The following RABGAP1L variants were observed in gnomAD, a reference collection of about 807,000 sequenced individuals.
RABGAP1L encodes the protein rab GTPase-activating protein 1-like.
RABGAP1L carries 63 observed loss-of-function variants against 137.7 expected under a neutral mutation model. The observed-to-expected ratio is 0.46, with a 90% CI of 0.37 to 0.56. The LOEUF (loss-of-function observed/expected upper bound fraction) is 0.56, where lower values mean the gene tolerates loss of function less well. RABGAP1L is among the 20% of genes least tolerant of loss of function. The pLI is 0.00. For missense variants in RABGAP1L, 1,095 were observed against 1,244.0 expected (o/e 0.88, Z 1.80); for synonymous variants, 431 against 433.7 (o/e 0.99, Z 0.08).
At chr1:174,548,594 C>T (rs1035814994) in intron 13 of RABGAP1L, 2 of 963,966 alleles carry the variant, frequency 2.1e-6, no homozygotes, top group South Asian at 4.8e-5. Flanking sequence ...TTCATACCCA[C>T]AGAAATTTGC....
At chr1:174,849,296 T>G (rs968476878) in intron 19 of RABGAP1L, among the ~76,000 whole-genome samples, 2 of 152,050 alleles carry the variant, frequency 1.3e-5, no homozygotes, top group African/African-American at 4.8e-5. Context: ...CTATCACATA[T>G]GAAGAATGAA....
chr1:174,253,979 C>G (rs981827248), intron 7 of RABGAP1L, among the ~76,000 whole-genome samples: 7 of 152,156 alleles, frequency 4.6e-5, no homozygotes, highest in African/African-American at 1.7e-4. Context: ...TCTGTCTTCC[C>G]TCCAGTCTCT....
At chr1:174,452,737 ATT>A (rs1392713869) in intron 13 of RABGAP1L, among the ~76,000 whole-genome samples, 2 of 151,758 alleles carry the variant, frequency 1.3e-5, no homozygotes, top group African/African-American at 4.8e-5. Flanking sequence ...AATTTTTTGT[ATT>A]TTTAGTAGAG....
intron 12 of RABGAP1L, among the ~76,000 whole-genome samples, chr1:174,372,401 T>G (rs1261660431): frequency 6.6e-6 from 1 of 152,078 alleles, no homozygotes; most frequent in African/African-American, 2.4e-5. Context: ...AGGCAGTGCT[T>G]TTTTCGGCGG....
intron 18 of RABGAP1L, among the ~76,000 whole-genome samples, chr1:174,776,399 A>G (rs1686528494): frequency 6.6e-6 from 1 of 152,078 alleles, no homozygotes; most frequent in Non-Finnish European, 1.5e-5. Context: ...AAATAATAAT[A>G]AAGTTGGTAT....
At chr1:174,600,678 C>T (rs574456582) in intron 13 of RABGAP1L, among the ~76,000 whole-genome samples, 1 of 152,320 alleles carries the variant, frequency 6.6e-6, no homozygotes, top group African/African-American at 2.4e-5. Context: ...CACACTGATG[C>T]AAGAGGTGGG....
At chr1:174,335,237 C>T (rs534822188) in intron 11 of RABGAP1L, among the ~76,000 whole-genome samples, 133 of 152,246 alleles carry the variant, frequency 8.7e-4, no homozygotes, top group African/African-American at 3.0e-3. Flanking sequence ...CTGGAGGTGG[C>T]ATAAAAATGC....
intron 20 of RABGAP1L, among the ~76,000 whole-genome samples, chr1:174,960,096 C>T (rs1668952040): frequency 6.6e-6 from 1 of 152,138 alleles, no homozygotes; most frequent in Non-Finnish European, 1.5e-5. Context: ...ACAACCCCTC[C>T]TCAACATTAG....
chr1:174,615,445 C>T (rs1263628524), intron 13 of RABGAP1L, among the ~76,000 whole-genome samples: 1 of 152,196 alleles, frequency 6.6e-6, no homozygotes, highest in South Asian at 2.1e-4. Flanking sequence ...AGTTTTGTCT[C>T]AGAGGAGTAC....
intron 11 of RABGAP1L, among the ~76,000 whole-genome samples, chr1:174,333,208 A>G (rs1681187796): frequency 6.6e-6 from 1 of 152,198 alleles, no homozygotes; most frequent in Non-Finnish European, 1.5e-5. Context: ...CAGTGGGTAC[A>G]GTGTTACAGT....
Position 174,994,483 on chromosome 1 carries a change from A to G in RABGAP1L, c.*4482A>G, listed in dbSNP as rs1386132080. 3 of 152,216 alleles carry G rather than the reference A, an allele frequency of 2.0e-5. No individual in the cohort carries two copies. Among genetic ancestry groups the G allele is most frequent in the African/African-American group, 7.2e-5 (3 of 41,430 alleles). The allele number at this position is 152,216 out of a possible 1,614,324, so 9.4% of individuals were successfully genotyped here. A position where few individuals can be genotyped will look rare whatever the true frequency, so the allele number is the denominator to read the frequency against. The stretch of plus-strand genomic sequence containing the variant: ...CTGAAAAGCTTAAGAAAAAAGAATC[A>G]TTGAGTAGAAAGTGAACATTTTAAG... On this transcript the variant is annotated 3_prime_UTR_variant, in exon 26 of 26. Coordinates refer to ENST00000681986, the MANE Select transcript of RABGAP1L (RefSeq NM_001366446.1).
intron 14 of RABGAP1L, among the ~76,000 whole-genome samples, chr1:174,678,346 A>T (rs1293495863): frequency 6.6e-6 from 1 of 152,182 alleles, no homozygotes; most frequent in Non-Finnish European, 1.5e-5. Context: ...GTGACAGAGA[A>T]CACTGACACA....
chr1:174,410,508 T>C (rs1252138642), intron 13 of RABGAP1L, among the ~76,000 whole-genome samples: 1 of 152,214 alleles, frequency 6.6e-6, no homozygotes, highest in Non-Finnish European at 1.5e-5. Flanking sequence ...AGGAGCCCTT[T>C]CCCTATTGCT....
At chr1:174,378,253 T>C (rs1257256153) in intron 12 of RABGAP1L, among the ~76,000 whole-genome samples, 28 of 151,688 alleles carry the variant, frequency 1.8e-4, no homozygotes, top group African/African-American at 5.1e-4. Context: ...CATACGTGTG[T>C]ATGTGTCTTT....
In RABGAP1L at chr1:174,661,472, C is replaced by T. The variant is rs528962799; in HGVS notation, c.1825-22050C>T. On this transcript the variant is annotated intron_variant, in intron 14 of 25. Transcript: ENST00000681986. ...TTTAATAAAAATATTTATTTAGAGT[C>T]AATTTTTTAAATGTAAAATTGTAGT... is the stretch of plus-strand genomic sequence containing the variant. Among the ~76,000 whole-genome samples, 5 of 152,136 alleles carry T rather than the reference C, an allele frequency of 3.3e-5. No individual in the cohort carries two copies. The South Asian group carries it at 8.3e-4, about 25-fold the overall frequency.
chr1:174,530,832 TAC>T (rs1664332286), intron 13 of RABGAP1L, among the ~76,000 whole-genome samples: 2 of 112,570 alleles, frequency 1.8e-5, no homozygotes, highest in Non-Finnish European at 3.2e-5. Context: ...CATACATACA[TAC>T]ATACGTACGT....
intron 22 of RABGAP1L, among the ~76,000 whole-genome samples, chr1:174,977,594 T>C (rs1670753934): frequency 6.6e-6 from 1 of 152,178 alleles, no homozygotes; most frequent in South Asian, 2.1e-4. Flanking sequence ...TCCATGTGCA[T>C]CTGTGTGTGT....
chr1:174,404,613 G>A (rs572598675), intron 13 of RABGAP1L, among the ~76,000 whole-genome samples: 4 of 152,060 alleles, frequency 2.6e-5, no homozygotes, highest in Non-Finnish European at 5.9e-5. Flanking sequence ...ACCTATTAAA[G>A]CATCTATTCA....
At chr1:174,703,695 C>T (rs2148529386) in intron 17 of RABGAP1L, among the ~76,000 whole-genome samples, 1 of 152,284 alleles carries the variant, frequency 6.6e-6, no homozygotes, top group African/African-American at 2.4e-5. Flanking sequence ...TACTAATTTA[C>T]ATTCTCACCA....
Sources: allele counts gnomAD v4.1 joint callset (sites outside exome capture counted in the v4.1 genomes callset), GRCh38; gene constraint gnomAD v4.1.1; transcripts MANE v1.5; gene names NCBI Gene and HGNC (gene_info 2026-07-23, HGNC 2026-07-21).